ATAD2B: variants seen among roughly 807,000 people sequenced by gnomAD.
ATAD2B encodes the protein ATPase family AAA domain containing 2B.
A neutral mutation model predicts 167.6 loss-of-function variants in ATAD2B; 40 were observed. The observed-to-expected ratio is 0.24, with a 90% CI of 0.19 to 0.31. The LOEUF is 0.31. Ranked by LOEUF, ATAD2B falls within the 10% of genes least tolerant of loss-of-function variation. The probability of loss-of-function intolerance (pLI) is 1.00; values close to 1 mark genes in which losing one functional copy is unlikely to be tolerated. For synonymous variants in ATAD2B, 579 were observed against 596.5 expected (o/e 0.97, Z 0.43); for missense variants, 1,242 against 1,757.2 (o/e 0.71, Z 5.24).
At chr2:23,844,564 G>A (rs1398524321) in intron 13 of ATAD2B, among the ~76,000 whole-genome samples, 1 of 152,132 alleles carries the variant, frequency 6.6e-6, no homozygotes, top group African/African-American at 2.4e-5. Flanking sequence ...ATATGTATAT[G>A]TATAGATGAA....
chr2:23,901,258 C>T (rs1193043441), intron 1 of ATAD2B: 1 of 152,158 alleles, frequency 6.6e-6, no homozygotes, highest in East Asian at 1.9e-4. Flanking sequence ...GATACAGAAA[C>T]TAGTACCTAT....
chr2:23,861,831 C>T (rs115407996), intron 12 of ATAD2B, among the ~76,000 whole-genome samples: 5,850 of 152,242 alleles, frequency 0.038, 110 homozygotes, highest in Admixed American at 0.046. Context: ...CCATTAGACA[C>T]TGGACACGTT....
intron 19 of ATAD2B, among the ~76,000 whole-genome samples, chr2:23,790,958 A>G (rs1202410464): frequency 1.3e-5 from 2 of 152,166 alleles, no homozygotes; most frequent in Non-Finnish European, 2.9e-5. Flanking sequence ...TCTGCAGTCA[A>G]TCCCCACTCC....
intron 9 of ATAD2B, among the ~76,000 whole-genome samples, chr2:23,869,255 T>C (rs948487789): frequency 1.3e-5 from 2 of 152,174 alleles, no homozygotes; most frequent in Non-Finnish European, 2.9e-5. Context: ...TTTTTTCCAA[T>C]AAAAATCTAA....
chr2:23,687,505 A>C, the ATAD2B span, among the ~76,000 whole-genome samples: 2,040 of 152,294 alleles, frequency 0.013, 21 homozygotes, highest in Middle Eastern at 0.031. Flanking sequence ...GTCACTCAGC[A>C]AACACACAGG....
At chr2:23,731,265 C>T in the ATAD2B span, among the ~76,000 whole-genome samples, 1 of 152,146 alleles carries the variant, frequency 6.6e-6, no homozygotes. Context: ...TTAATCTTAC[C>T]TTTCCTATGT....
chr2:23,871,400 A>C (rs1695955975), intron 8 of ATAD2B, among the ~76,000 whole-genome samples: 1 of 152,088 alleles, frequency 6.6e-6, no homozygotes, highest in South Asian at 2.1e-4. Context: ...TAACCTCCTA[A>C]CATACCAACT....
chr2:23,893,271 T>C (rs1424724552), intron 2 of ATAD2B, among the ~76,000 whole-genome samples: 1 of 152,198 alleles, frequency 6.6e-6, no homozygotes, highest in African/African-American at 2.4e-5. Context: ...TTAGAATTCA[T>C]TATTTTTCAT....
chr2:23,684,760 T>C, the ATAD2B span, among the ~76,000 whole-genome samples: 1 of 144,732 alleles, frequency 6.9e-6, no homozygotes, highest in Non-Finnish European at 1.5e-5. The surrounding 1 kb of genome is among the most constrained non-coding windows in gnomAD (Gnocchi z 4.4). Context: ...AGCTTTGCTG[T>C]CACCAGCTTT....
In ATAD2B at chr2:23,899,918, C is replaced by CT. The variant is rs34685891; in HGVS notation, c.217-3949dup. ...TTTCATTTCTAATACAGTTTTCTTA[C>CT]TTTTTTTTTTTTTTTTTTTTTTTGA... On this transcript the variant is annotated intron_variant, in intron 1 of 27. Transcript: ENST00000238789. 7.5e-3 allele frequency among the ~76,000 whole-genome samples: 630 copies of CT among 83,512 alleles called. 3 individuals are homozygous for CT. Among genetic ancestry groups the CT allele is most frequent in the East Asian group, 0.04 (97 of 2,450 alleles). 54.8% of individuals were successfully genotyped at this position (83,512 alleles called of 152,430 possible).
At chr2:23,872,544 G>T in intron 8 of ATAD2B, 3 of 972,728 alleles carry the variant, frequency 3.1e-6, no homozygotes, top group South Asian at 2.6e-5. Context: ...GAGTCCTTCA[G>T]ACTCTCACAG....
intron 15 of ATAD2B, 58 bp from the exon 16 acceptor site, chr2:23,823,627 A>G (rs774460757): frequency 7.5e-6 from 11 of 1,457,352 alleles, no homozygotes; most frequent in Non-Finnish European, 1.0e-5. Context: ...TGCACCAACT[A>G]TGTTTTGTAA....
chr2:23,805,283 G>A (rs1160699443), intron 18 of ATAD2B, among the ~76,000 whole-genome samples: 3 of 151,992 alleles, frequency 2.0e-5, no homozygotes, highest in African/African-American at 4.8e-5. Flanking sequence ...AAAAAGGCAA[G>A]GTTCACACAT....
chr2:23,718,298 C>A, the ATAD2B span, among the ~76,000 whole-genome samples: 8 of 152,250 alleles, frequency 5.3e-5, no homozygotes, highest in African/African-American at 1.2e-4. Context: ...AGACCCAGAC[C>A]CAGGTGAGCC....
intron 22 of ATAD2B, among the ~76,000 whole-genome samples, chr2:23,766,832 C>T (rs1309046737): frequency 6.6e-6 from 1 of 151,028 alleles, no homozygotes; most frequent in Non-Finnish European, 1.5e-5. Context: ...TTAGATTGAG[C>T]AAGTCAGGAA....
chr2:23,748,022 TAAC>T (rs1285538955), downstream of ATAD2B, among the ~76,000 whole-genome samples: 1 of 152,164 alleles, frequency 6.6e-6, no homozygotes, highest in Non-Finnish European at 1.5e-5. Context: ...GGTTTATTAT[TAAC>T]AATCTTTTGA....
chr2:23,724,087 C>T, the ATAD2B span, among the ~76,000 whole-genome samples: 6 of 151,728 alleles, frequency 4.0e-5, no homozygotes, highest in African/African-American at 9.7e-5. Flanking sequence ...CTCATGAAAA[C>T]GAAAAGTAGA....
the ATAD2B span, among the ~76,000 whole-genome samples, chr2:23,741,319 G>T: frequency 1.8e-4 from 27 of 152,126 alleles, no homozygotes; most frequent in Admixed American, 2.6e-4. Flanking sequence ...AAGGCTACAG[G>T]AACCAAAACA....
intron 1 of ATAD2B, among the ~76,000 whole-genome samples, chr2:23,918,817 G>C (rs1703457400): frequency 1.3e-5 from 2 of 152,134 alleles, no homozygotes; most frequent in South Asian, 4.1e-4. Flanking sequence ...AAGTAGAGAA[G>C]ACAAAACTAG....
Sources: gnomAD v4.1 joint callset for allele counts (sites outside exome capture counted in the v4.1 genomes callset) on GRCh38, gnomAD v4.1.1 for gene constraint, Gnocchi (gnomAD v3.1) non-coding constraint, MANE v1.5 for transcripts, NCBI Gene and HGNC (gene_info 2026-07-23, HGNC 2026-07-21) for gene names.